The following AGAP4 variants were observed in gnomAD, a reference collection of about 807,000 sequenced individuals.
The protein encoded by AGAP4 is ArfGAP with GTPase domain, ankyrin repeat and PH domain 4.
Under a neutral mutation model 60.7 loss-of-function variants are expected in AGAP4, and 13 were observed. That is an observed-to-expected ratio of 0.21 (90% CI 0.14 to 0.34). The LOEUF (loss-of-function observed/expected upper bound fraction) is 0.34. AGAP4 is among the 10% of genes least tolerant of loss of function. The pLI is 1.00. For missense variants in AGAP4, 169 were observed against 884.0 expected (o/e 0.19, Z 10.26); for synonymous variants, 70 against 339.0 (o/e 0.21, Z 8.72).
rs1411385606 is a variant in AGAP4, at chr10:45,831,505, A to T, written c.498-76T>A. Reference sequence around the variant, plus strand: ...TGAAGACATTTTTTAAAAGGGGGGCAGAGGAAACTCTCCTAGTGGCCCTGA... The same window carrying T: ...TGAAGACATTTTTTAAAAGGGGGGCTGAGGAAACTCTCCTAGTGGCCCTGA... On this transcript the variant is annotated intron_variant, in intron 5 of 7. Coordinates refer to ENST00000616763, the MANE Select transcript of AGAP4 (RefSeq NM_001276343.3). 3.1e-6 allele frequency: 4 copies of T among 1,286,676 alleles called. No homozygotes were observed. In the African/African-American group the frequency reaches 5.8e-5, roughly 19 times the overall value. The allele number at this position is 1,286,676 out of a possible 1,614,324, so 79.7% of individuals were successfully genotyped here. A position where few individuals can be genotyped will look rare whatever the true frequency, so the allele number is the denominator to read the frequency against.
At chr10:45,853,960 G>A (rs2059112172), upstream of AGAP4, 13 of 1,130,462 alleles carry the variant, frequency 1.1e-5, no homozygotes, top group Non-Finnish European at 1.3e-5. Context: ...TCTGGGGATG[G>A]GGGGACAACT....
chr10:45,850,691 G>A (rs1252752147), upstream of AGAP4, among the ~76,000 whole-genome samples: 24 of 152,254 alleles, frequency 1.6e-4, no homozygotes, highest in Admixed American at 1.6e-3. Flanking sequence ...GCTTGGTCAT[G>A]AGATGTGAAA....
At chr10:45,843,739 T>G (rs1265334908) in intron 3 of AGAP4, among the ~76,000 whole-genome samples, 10 of 132,484 alleles carry the variant, frequency 7.5e-5, no homozygotes, top group Non-Finnish European at 1.4e-4. Flanking sequence ...GAGGATTTAA[T>G]ATAACATTAA....
intron 3 of AGAP4, 181 bp downstream of exon 3, chr10:45,844,143 TAC>T (rs2058963583): frequency 3.3e-6 from 2 of 615,144 alleles, no homozygotes; most frequent in African/African-American, 3.9e-5. Context: ...ACAAAAAGGT[TAC>T]ACGTTTTCAC....
Position 45,847,189 on chromosome 10 carries a change from C to A in AGAP4, c.159G>T (p.Glu53Asp). 2 of 1,601,020 alleles carry A rather than the reference C, an allele frequency of 1.2e-6. No individual in the cohort carries two copies. The highest frequency in any genetic ancestry group is 1.7e-6 in the Non-Finnish European group (2 of 1,179,776). Residue 53 changes from glutamate (E) to aspartate (D), a missense_variant, in exon 1 of 8, where the codon GAG becomes GAT. Coordinates refer to ENST00000616763, the MANE Select transcript of AGAP4 (RefSeq NM_001276343.3). ...GGTCCTCACCAACTTCAACAGTCAC[C>A]TCAGCAGGCTGTACAGCAGCAGCCA... is the stretch of plus-strand genomic sequence containing the variant. ...APMAAAVQPAEVTVEVGEDLH... is the reference protein window; with the variant it reads ...APMAAAVQPADVTVEVGEDLH...
Position 45,853,070 on chromosome 10 carries a change from T to C in AGAP4, n.221+585A>G, listed in dbSNP as rs1421029372. 3.3e-5 allele frequency among the ~76,000 whole-genome samples: 5 copies of C among 152,132 alleles called. 1 individual carries two copies. In the East Asian group the frequency reaches 9.7e-4, roughly 29 times the overall value. The stretch of plus-strand genomic sequence containing the variant: ...AAAACTTACAAAAAGTCTGTAATGA[T>C]CTTTTCTTAAGCTAAGAGAACAGAA... On this transcript the variant is annotated intron_variant and non_coding_transcript_variant, in intron 1 of 9. Transcript: ENST00000430779.
chr10:45,840,165 C>T (rs1392955532), intron 4 of AGAP4, among the ~76,000 whole-genome samples: 11 of 147,724 alleles, frequency 7.4e-5, no homozygotes, highest in Admixed American at 6.7e-5. Flanking sequence ...AAAAAGCTTC[C>T]GCAGATAACT....
chr10:45,851,290 GCA>G (rs1312831171), upstream of AGAP4, among the ~76,000 whole-genome samples: 72 of 151,994 alleles, frequency 4.7e-4, 2 homozygotes, highest in Middle Eastern at 3.4e-3. Context: ...CAAGAGACCT[GCA>G]TATGAATCAG....
At chr10:45,851,048 G>C (rs1207342838), upstream of AGAP4, among the ~76,000 whole-genome samples, 1 of 151,926 alleles carries the variant, frequency 6.6e-6, no homozygotes, top group East Asian at 1.9e-4. Context: ...TTGAATCTAT[G>C]GTTACAGCAA....
rs1466810451 is a variant in AGAP4, at chr10:45,838,716, G to A, written c.396+2937C>T. The stretch of plus-strand genomic sequence containing the variant: ...CTCCTGAGTAGGTAATACGAAAGGC[G>A]CATGCCACCAGGCCTGGCTAATTTG... On this transcript the variant is annotated intron_variant, in intron 4 of 7. Coordinates refer to ENST00000616763, the MANE Select transcript of AGAP4 (RefSeq NM_001276343.3). Among the ~76,000 whole-genome samples, 30 of 151,488 alleles carry A rather than the reference G, an allele frequency of 2.0e-4. 2 individuals carry two copies. The highest frequency in any genetic ancestry group is 6.3e-4 in the South Asian group (3 of 4,798).
chr10:45,844,806 T>C (rs1467905801), intron 2 of AGAP4, among the ~76,000 whole-genome samples: 608 of 146,432 alleles, frequency 4.2e-3, no homozygotes, highest in African/African-American at 0.015. Context: ...TTCTAGAGTT[T>C]TTAAAATTTT....
Position 45,847,473 on chromosome 10 carries a change from C to A in AGAP4, c.-126G>T. On this transcript the variant is annotated 5_prime_UTR_variant, in exon 1 of 8. Transcript: ENST00000616763. ...GGTCTTCCCGCTCCTCGCCTGCCCACCTCACAGCGCGGCCCCGGGCACCAG... is the reference window on the plus strand; with the variant it reads ...GGTCTTCCCGCTCCTCGCCTGCCCAACTCACAGCGCGGCCCCGGGCACCAG... The A allele has an allele frequency of 6.5e-7, 1 of 1,530,542 alleles. No individual in the cohort carries two copies. The allele number at this position is 1,530,542 out of a possible 1,614,324, so 94.8% of individuals were successfully genotyped here.
At chr10:45,847,516 G>C, upstream of AGAP4, 1 of 1,507,880 alleles carries the variant, frequency 6.6e-7, no homozygotes. Context: ...CCTGGCCCTG[G>C]CCCCGGCCCC....
chr10:45,840,107 C>T (rs2058893359), intron 4 of AGAP4, among the ~76,000 whole-genome samples: 1 of 148,356 alleles, frequency 6.7e-6, no homozygotes, highest in African/African-American at 2.5e-5. Flanking sequence ...ATGAAAAGAT[C>T]CCCAACAAGC....
chr10:45,831,248 G>A, intron 6 of AGAP4, 146 bp downstream of exon 6: 1 of 941,196 alleles, frequency 1.1e-6, no homozygotes, highest in South Asian at 1.6e-5. Context: ...AGAGTCTTAA[G>A]GAACAAAGAA....
intron 3 of AGAP4, among the ~76,000 whole-genome samples, chr10:45,844,004 G>A (rs1353760972): frequency 1.2e-4 from 18 of 149,448 alleles, no homozygotes; most frequent in Admixed American, 6.6e-5. Flanking sequence ...AAGGGAAAAG[G>A]GATTGTAAAT....
intron 4 of AGAP4, 58 bp downstream of exon 4, chr10:45,841,593 AAG>A (rs1165959118): frequency 1.2e-6 from 1 of 825,828 alleles, no homozygotes; most frequent in Non-Finnish European, 1.8e-6. Context: ...TAAAGAAATC[AAG>A]AGAGACATCC....
chr10:45,832,002 C>T (rs1448702648), intron 5 of AGAP4, among the ~76,000 whole-genome samples: 7 of 139,062 alleles, frequency 5.0e-5, no homozygotes, highest in Admixed American at 2.9e-4. Context: ...CTCTGCCTCC[C>T]AGGTTCAAGA....
At position 45,825,618 on chromosome 10, in the gene AGAP4, A is replaced by T; in HGVS notation, c.*297T>A. On this transcript the variant is annotated 3_prime_UTR_variant, in exon 8 of 8. Transcript: ENST00000616763. ...GTACAAAAATCAATGCATATTTATGAACTTTATTTCAAATATATTTTCACA... is the reference window on the plus strand; with the variant it reads ...GTACAAAAATCAATGCATATTTATGTACTTTATTTCAAATATATTTTCACA... The T allele has an allele frequency of 1.1e-5, 5 of 470,210 alleles. No homozygotes were observed. Among genetic ancestry groups the T allele is most frequent in the Non-Finnish European group, 1.9e-5 (5 of 259,178 alleles). The allele number at this position is 470,210 out of a possible 1,614,324, so 29.1% of individuals were successfully genotyped here.
Sources: allele counts gnomAD v4.1 joint callset (sites outside exome capture counted in the v4.1 genomes callset), GRCh38; gene constraint gnomAD v4.1.1; transcripts MANE v1.5; gene names NCBI Gene and HGNC (gene_info 2026-07-23, HGNC 2026-07-21).